Variants in TEX9 observed in about 807,000 individuals in gnomAD.
TEX9 encodes the protein testis expressed 9.
In TEX9, 74 loss-of-function variants were observed where a neutral mutation model predicts 59.6. The observed-to-expected ratio is 1.24, with a 90% confidence interval of 1.03 to 1.51. The LOEUF is 1.51. TEX9 is among the 40% of genes most tolerant of loss of function. The pLI, the probability that TEX9 is intolerant of heterozygous loss-of-function variation, is 0.00. For missense variants in TEX9, 522 were observed against 447.8 expected, an observed-to-expected ratio of 1.17 and a Z score of -1.49; for synonymous variants, 186 against 152.2, an observed-to-expected ratio of 1.22 and a Z score of -1.64.
At chr15:56,298,115 A>G (rs1331929719) in intron 1 of TEX9, among the ~76,000 whole-genome samples, 1 of 152,254 alleles carries the variant, frequency 6.6e-6, no homozygotes, top group Non-Finnish European at 1.5e-5. Context: ...GCATGGAACA[A>G]TTATGGCTAT....
chr15:56,339,402 A>AAC (rs1567091393), intron 1 of TEX9, among the ~76,000 whole-genome samples: 1 of 79,480 alleles, frequency 1.3e-5, no homozygotes, highest in African/African-American at 3.0e-5. Context: ...AAAAAAAAAA[A>AAC]AAAAAAAAAA....
At chr15:56,297,539 C>G (rs2045244820) in intron 1 of TEX9, among the ~76,000 whole-genome samples, 1 of 152,200 alleles carries the variant, frequency 6.6e-6, no homozygotes, top group East Asian at 1.9e-4. Flanking sequence ...TTTTCTCACT[C>G]TGTTGCCCAG....
At position 56,427,605 on chromosome 15, in the gene TEX9, G is replaced by T. The variant is rs201973612; in HGVS notation, c.964G>T (p.Asp322Tyr). Residue 322 changes from aspartate (D) to tyrosine (Y), a missense_variant and splice_region_variant, in exon 11 of 13, where the codon GAC becomes TAC. Asp to Tyr is a radical substitution (Grantham distance 160). Coordinates refer to ENST00000352903, the Ensembl canonical transcript of TEX9. ...ATGGCACTTTTTTTTCCTTGTGTAG[G>T]ACATAGCAAATGAAGAACACAAAAA... The T allele has an allele frequency of 2.2e-4, 328 of 1,519,076 alleles. 1 individual carries two copies. Among genetic ancestry groups the T allele is most frequent in the Middle Eastern group, 3.4e-4 (2 of 5,798 alleles). 94.1% of individuals were successfully genotyped at this position (1,519,076 alleles called of 1,614,324 possible).
At chr15:56,359,337 A>G (rs561157958) in intron 1 of TEX9, among the ~76,000 whole-genome samples, 9 of 152,070 alleles carry the variant, frequency 5.9e-5, no homozygotes, top group Non-Finnish European at 1.2e-4. Flanking sequence ...TCAAACAGAA[A>G]CTCTGTACTC....
intron 1 of TEX9, among the ~76,000 whole-genome samples, chr15:56,269,545 A>C (rs1183806248): frequency 1.3e-5 from 2 of 152,084 alleles, no homozygotes; most frequent in Non-Finnish European, 2.9e-5. Context: ...GGTTTCAAAG[A>C]ACATCTTTAT....
the TEX9 span, chr15:56,456,305 A>C: frequency 8.1e-7 from 1 of 1,234,750 alleles, no homozygotes; most frequent in East Asian, 2.6e-5. Flanking sequence ...AATGACATAA[A>C]CAAAGAAATT....
In TEX9 at chr15:56,262,126, C is replaced by T. The variant is rs368615368; in HGVS notation, c.-107+17848C>T. 9.3e-4 allele frequency among the ~76,000 whole-genome samples: 141 copies of T among 152,266 alleles called. 4 individuals carry two copies. The South Asian group carries it at 0.026, about 28-fold the overall frequency. ...TATGCATCCTGGAGAAGCAAGCACA[C>T]GAGAACCAGGAAGCAAAAAATGTTT... On this transcript the variant is annotated intron_variant, in intron 1 of 5. Coordinates refer to the TEX9 transcript ENST00000560827.
chr15:56,348,379 T>G (rs2046513065), intron 1 of TEX9, among the ~76,000 whole-genome samples: 1 of 152,064 alleles, frequency 6.6e-6, no homozygotes, highest in Non-Finnish European at 1.5e-5. Flanking sequence ...AGAGAAACAG[T>G]TGATTTCATC....
chr15:56,256,314 A>T (rs1475731749), intron 1 of TEX9, among the ~76,000 whole-genome samples: 5 of 152,206 alleles, frequency 3.3e-5, no homozygotes, highest in African/African-American at 9.6e-5. Flanking sequence ...CAGTGTTGGG[A>T]TATGAACCTA....
intron 12 of TEX9, among the ~76,000 whole-genome samples, chr15:56,445,194 T>A (rs1483370219): frequency 1.3e-5 from 2 of 152,064 alleles, no homozygotes; most frequent in Non-Finnish European, 2.9e-5. Context: ...CCTTTCTGAT[T>A]TATTAAAGGC....
intron 2 of TEX9, among the ~76,000 whole-genome samples, chr15:56,367,906 T>A (rs534638028): frequency 1.3e-5 from 2 of 152,224 alleles, no homozygotes; most frequent in African/African-American, 2.4e-5. Context: ...TGCTGAACTC[T>A]CTTATTCATT....
At chr15:56,314,190 A>G (rs1342508739) in intron 1 of TEX9, among the ~76,000 whole-genome samples, 3 of 79,758 alleles carry the variant, frequency 3.8e-5, no homozygotes, top group African/African-American at 1.3e-4. Context: ...GCCTTCTGCT[A>G]GCTTTTGAAT....
At chr15:56,310,851 C>A (rs1295405806) in intron 1 of TEX9, among the ~76,000 whole-genome samples, 2 of 152,216 alleles carry the variant, frequency 1.3e-5, no homozygotes, top group Admixed American at 1.3e-4. Context: ...TGGCGCAACC[C>A]TGAAACCTCA....
intron 1 of TEX9, among the ~76,000 whole-genome samples, chr15:56,359,488 C>A (rs1384348707): frequency 6.6e-6 from 1 of 152,096 alleles, no homozygotes. Flanking sequence ...GCTTATTTCA[C>A]TTAGCAAAAT....
intron 6 of TEX9, among the ~76,000 whole-genome samples, chr15:56,391,017 T>A (rs998122642): frequency 6.6e-6 from 1 of 152,062 alleles, no homozygotes; most frequent in Non-Finnish European, 1.5e-5. Flanking sequence ...TGTAATATAG[T>A]CCTTGAAAGT....
intron 1 of TEX9, among the ~76,000 whole-genome samples, chr15:56,291,161 C>T (rs1282852819): frequency 6.6e-6 from 1 of 152,204 alleles, no homozygotes; most frequent in Non-Finnish European, 1.5e-5. Context: ...TTCATTGATA[C>T]AGATTGTAAT....
intron 1 of TEX9, among the ~76,000 whole-genome samples, chr15:56,332,936 G>A (rs772855384): frequency 6.6e-6 from 1 of 152,034 alleles, no homozygotes; most frequent in Non-Finnish European, 1.5e-5. Flanking sequence ...TGGATAAATT[G>A]CTAGATACAT....
chr15:56,270,118 T>C (rs1177512980), intron 1 of TEX9, among the ~76,000 whole-genome samples: 4 of 152,188 alleles, frequency 2.6e-5, no homozygotes, highest in African/African-American at 9.7e-5. Context: ...AGAATGTATA[T>C]TCTGTTGATT....
chr15:56,284,054 G>C (rs1490010800), intron 1 of TEX9, among the ~76,000 whole-genome samples: 2 of 152,188 alleles, frequency 1.3e-5, no homozygotes, highest in Non-Finnish European at 2.9e-5. Context: ...TTCATTCATT[G>C]CTGGTGGAAA....
Sources: allele counts gnomAD v4.1 joint callset (sites outside exome capture counted in the v4.1 genomes callset), GRCh38; gene constraint gnomAD v4.1.1; transcripts MANE v1.5; gene names NCBI Gene and HGNC (gene_info 2026-07-23, HGNC 2026-07-21).